The following P4HA1 variants were observed in gnomAD, a reference collection of about 807,000 sequenced individuals.
The protein encoded by P4HA1 is prolyl 4-hydroxylase subunit alpha-1.
Under a neutral mutation model 72.8 loss-of-function variants are expected in P4HA1, and 24 were observed. The ratio of observed to expected loss-of-function variants is 0.33; its 90% CI spans 0.24 to 0.46. P4HA1 has a LOEUF of 0.46. Among genes scored for constraint, P4HA1 ranks in the 20% least tolerant of loss-of-function variants. The pLI is 1.00. For missense variants in P4HA1, 446 were observed against 640.6 expected (o/e 0.70, Z 3.28); for synonymous variants, 201 against 218.8 (o/e 0.92, Z 0.72).
intron 10 of P4HA1, among the ~76,000 whole-genome samples, chr10:73,028,198 G>A (rs562513312): frequency 7.3e-5 from 11 of 150,902 alleles, no homozygotes; most frequent in South Asian, 2.1e-4. Flanking sequence ...AACTGCAAGC[G>A]TTATAAATAA....
chr10:73,079,480 G>A (rs866695442), intron 1 of P4HA1, among the ~76,000 whole-genome samples: 3 of 152,132 alleles, frequency 2.0e-5, no homozygotes, highest in Admixed American at 6.5e-5. Context: ...GGTGGCTCAC[G>A]CCTGTAATCC....
chr10:73,034,209 A>G (rs1485809391), intron 9 of P4HA1, among the ~76,000 whole-genome samples: 3 of 152,292 alleles, frequency 2.0e-5, no homozygotes, highest in East Asian at 3.9e-4. Context: ...ATGAGAACCT[A>G]TCTCTAAAAA....
chr10:73,077,913 C>T (rs978737643), intron 1 of P4HA1, among the ~76,000 whole-genome samples: 8 of 149,324 alleles, frequency 5.4e-5, no homozygotes, highest in African/African-American at 1.5e-4. Flanking sequence ...CACTTGAGAC[C>T]AGGAAGTTGA....
chr10:73,074,902 A>G lies in P4HA1; in HGVS notation c.-19T>C. 1.9e-6 allele frequency: 2 copies of G among 1,037,418 alleles called. No homozygotes were observed. Among genetic ancestry groups the G allele is most frequent in the Non-Finnish European group, 3.0e-6 (2 of 665,876 alleles). 64.3% of individuals were successfully genotyped at this position (1,037,418 alleles called of 1,614,324 possible). ...AGATCATCTTGGAAGATTTAATTTTACAGGATCACACACCTACAAAAGAAA... is the reference window on the plus strand; with the variant it reads ...AGATCATCTTGGAAGATTTAATTTTGCAGGATCACACACCTACAAAAGAAA... On this transcript the variant is annotated 5_prime_UTR_variant, in exon 2 of 15. Coordinates refer to ENST00000394890, the MANE Select transcript of P4HA1 (RefSeq NM_001017962.3).
At position 73,063,209 on chromosome 10, in the gene P4HA1, G is replaced by A. The variant is rs576647045; in HGVS notation, c.463+5637C>T. Among the ~76,000 whole-genome samples, 365 of 152,320 alleles carry A rather than the reference G, an allele frequency of 2.4e-3. 1 individual carries two copies. The highest frequency in any genetic ancestry group is 8.3e-3 in the African/African-American group (344 of 41,564). The stretch of plus-strand genomic sequence containing the variant: ...TTCTCACAGTTCTAGAGGCTGGGTA[G>A]TCCAAGATTCAAAGCACCAGCGGGT... On this transcript the variant is annotated intron_variant, in intron 5 of 14. Transcript: ENST00000394890.
At chr10:73,041,547 C>CAAAAA (rs1330460920) in intron 9 of P4HA1, among the ~76,000 whole-genome samples, 13 of 146,614 alleles carry the variant, frequency 8.9e-5, no homozygotes, top group African/African-American at 2.8e-4. Flanking sequence ...CATCCCCCCC[C>CAAAAA]CAAAAAAAAA....
intron 9 of P4HA1, among the ~76,000 whole-genome samples, chr10:73,040,316 G>GC (rs987994279): frequency 1.4e-5 from 2 of 145,998 alleles, no homozygotes; most frequent in Admixed American, 1.4e-4. Flanking sequence ...GCAATATTTA[G>GC]TTTTTTTTTT....
chr10:73,022,215 C>G (rs1350372549), intron 10 of P4HA1, among the ~76,000 whole-genome samples: 2 of 152,194 alleles, frequency 1.3e-5, no homozygotes, highest in African/African-American at 4.8e-5. Context: ...CCCGTGTAGC[C>G]TAACTGGGGG....
intron 10 of P4HA1, among the ~76,000 whole-genome samples, chr10:73,023,832 C>T (rs1276460548): frequency 1.3e-5 from 2 of 150,520 alleles, no homozygotes; most frequent in Non-Finnish European, 3.0e-5. Context: ...AAAGCAGCGG[C>T]TGCAATCCTA....
intron 9 of P4HA1, among the ~76,000 whole-genome samples, chr10:73,040,893 A>C (rs1361513765): frequency 6.6e-6 from 1 of 152,024 alleles, no homozygotes; most frequent in Non-Finnish European, 1.5e-5. Context: ...TTAACAGTTT[A>C]ATTTTTATTT....
In P4HA1 at chr10:73,038,911, C is replaced by T. The variant is rs527791767; in HGVS notation, c.1148+6070G>A. On this transcript the variant is annotated intron_variant, in intron 9 of 14. Coordinates refer to ENST00000394890, the MANE Select transcript of P4HA1 (RefSeq NM_001017962.3). Reference sequence around the variant, plus strand: ...AAAGTGCTGGGATTACAGGCGTGAGCCACCGTGCCCGGCCTTTATTTGCTT... The same window carrying T: ...AAAGTGCTGGGATTACAGGCGTGAGTCACCGTGCCCGGCCTTTATTTGCTT... Among the ~76,000 whole-genome samples the T allele has an allele frequency of 3.6e-5, 4 of 110,064 alleles. No individual in the cohort carries two copies. The South Asian group carries it at 1.4e-3, about 39-fold the overall frequency. The allele number at this position is 110,064 out of a possible 152,430, so 72.2% of individuals were successfully genotyped here. A position where few individuals can be genotyped will look rare whatever the true frequency, so the allele number is the denominator to read the frequency against.
intron 11 of P4HA1, among the ~76,000 whole-genome samples, chr10:73,015,708 C>G (rs1406471075): frequency 6.6e-6 from 1 of 152,204 alleles, no homozygotes; most frequent in African/African-American, 2.4e-5. Context: ...TCCCAAAGCT[C>G]TAGTTCCTGG....
At chr10:73,021,148 C>CA (rs112683538) in intron 10 of P4HA1, among the ~76,000 whole-genome samples, 23,808 of 151,676 alleles carry the variant, frequency 0.16, 3,162 homozygotes, top group African/African-American at 0.34. Flanking sequence ...AAAAAACAAA[C>CA]AAAAAAACCC....
In P4HA1 at chr10:73,049,150, G is replaced by A. The variant is rs1174650336; in HGVS notation, c.900+1903C>T. On this transcript the variant is annotated intron_variant, in intron 7 of 14. Coordinates refer to ENST00000394890, the MANE Select transcript of P4HA1 (RefSeq NM_001017962.3). The stretch of plus-strand genomic sequence containing the variant: ...AAAAAAGAAAATAATGAGTCTAACA[G>A]TGTCACCATCTTTGTATTTACTCAT... 2.0e-5 allele frequency among the ~76,000 whole-genome samples: 3 copies of A among 151,508 alleles called. No individual in the cohort carries two copies. In the East Asian group the frequency reaches 5.8e-4, roughly 30 times the overall value.
chr10:73,047,918 G>C (rs550241035), intron 7 of P4HA1, among the ~76,000 whole-genome samples: 1 of 152,184 alleles, frequency 6.6e-6, no homozygotes, highest in South Asian at 2.1e-4. Context: ...CGGACATGAG[G>C]GCACTTGCCT....
At chr10:73,032,167 T>TC (rs1490908098) in intron 9 of P4HA1, among the ~76,000 whole-genome samples, 5 of 152,232 alleles carry the variant, frequency 3.3e-5, no homozygotes, top group African/African-American at 9.6e-5. Flanking sequence ...AGATAATGTA[T>TC]TTCCTACTTC....
At chr10:73,054,942 G>A (rs1841104742) in intron 5 of P4HA1, among the ~76,000 whole-genome samples, 1 of 152,086 alleles carries the variant, frequency 6.6e-6, no homozygotes, top group Non-Finnish European at 1.5e-5. Flanking sequence ...AAAAAATTTG[G>A]TGGCTAGGCA....
intron 1 of P4HA1, among the ~76,000 whole-genome samples, chr10:73,093,561 C>T (rs776036358): frequency 2.0e-5 from 3 of 151,558 alleles, no homozygotes; most frequent in African/African-American, 4.8e-5. Context: ...AAGCTTTGGC[C>T]GGGCACGGTG....
chr10:73,071,824 C>T (rs1412604186), intron 4 of P4HA1, among the ~76,000 whole-genome samples: 1 of 151,862 alleles, frequency 6.6e-6, no homozygotes, highest in South Asian at 2.1e-4. Context: ...CAAAACAAGT[C>T]AACAAAAAAA....
Sources: gnomAD v4.1 joint callset for allele counts (sites outside exome capture counted in the v4.1 genomes callset) on GRCh38, gnomAD v4.1.1 for gene constraint, MANE v1.5 for transcripts, NCBI Gene and HGNC (gene_info 2026-07-23, HGNC 2026-07-21) for gene names.